The following PDE11A variants were observed in gnomAD, a reference collection of about 807,000 sequenced individuals.
PDE11A encodes the protein phosphodiesterase 11A, also known as dual 3',5'-cyclic-AMP and -GMP phosphodiesterase 11A.
A neutral mutation model predicts 100.5 loss-of-function variants in PDE11A; 100 were observed. The ratio of observed to expected loss-of-function variants is 1.00; its 90% CI spans 0.85 to 1.18. The LOEUF is 1.18. Among genes scored for constraint, PDE11A ranks in the 50% most tolerant of loss-of-function variants. PDE11A has a pLI of 0.00. For synonymous variants in PDE11A, 381 were observed against 420.8 expected (o/e 0.91, Z 1.16); for missense variants, 1,141 against 1,152.6 (o/e 0.99, Z 0.15).
chr2:178,087,753 CTG>C (rs1316919193), intron 2 of PDE11A, among the ~76,000 whole-genome samples: 2 of 152,066 alleles, frequency 1.3e-5, no homozygotes, highest in African/African-American at 4.8e-5. Flanking sequence ...AGTGTGGGAA[CTG>C]TAAGTTTTCA....
chr2:177,648,497 G>A (rs923203398), intron 19 of PDE11A, among the ~76,000 whole-genome samples: 5 of 151,948 alleles, frequency 3.3e-5, no homozygotes, highest in Non-Finnish European at 7.4e-5. Context: ...TTTAACTCTC[G>A]AACATTCACC....
At chr2:177,877,170 CT>C (rs34383497) in intron 4 of PDE11A, among the ~76,000 whole-genome samples, 18,737 of 138,302 alleles carry the variant, frequency 0.14, 2,430 homozygotes, top group Non-Finnish European at 0.2. Flanking sequence ...CAAAGGTTAT[CT>C]TTTTTTTTTT....
intron 5 of PDE11A, among the ~76,000 whole-genome samples, chr2:177,844,994 G>A (rs980995970): frequency 4.3e-4 from 65 of 150,844 alleles, no homozygotes; most frequent in Middle Eastern, 3.4e-3. Context: ...CACCTTTCCC[G>A]CCTTTCTATT....
intron 1 of PDE11A, among the ~76,000 whole-genome samples, chr2:178,036,637 A>G (rs557885907): frequency 6.6e-6 from 1 of 152,358 alleles, no homozygotes; most frequent in South Asian, 2.1e-4. Flanking sequence ...ACAAGTCTAC[A>G]GAAACCAAAA....
At chr2:177,763,824 G>GT (rs1367709998) in intron 10 of PDE11A, among the ~76,000 whole-genome samples, 3 of 152,224 alleles carry the variant, frequency 2.0e-5, no homozygotes, top group African/African-American at 4.8e-5. Flanking sequence ...GCTAGCGCGT[G>GT]TAGTGCCTTT....
At chr2:177,852,446 T>G (rs570189410) in intron 5 of PDE11A, among the ~76,000 whole-genome samples, 1 of 152,264 alleles carries the variant, frequency 6.6e-6, no homozygotes, top group Non-Finnish European at 1.5e-5. Context: ...TAGAGGTCAA[T>G]CTGAGGTTGG....
Position 177,982,357 on chromosome 2 carries a change from T to A in PDE11A, c.1071+31945A>T, listed in dbSNP as rs987593300. Reference sequence around the variant, plus strand: ...TCTTCATATGTTTTACAAAATGATATATATTTTTGCCCCAAACTGCAACAT... The same window carrying A: ...TCTTCATATGTTTTACAAAATGATAAATATTTTTGCCCCAAACTGCAACAT... On this transcript the variant is annotated intron_variant, in intron 2 of 19. Coordinates refer to ENST00000286063, the MANE Select transcript of PDE11A (RefSeq NM_016953.4). Among the ~76,000 whole-genome samples the A allele has an allele frequency of 3.3e-5, 5 of 150,800 alleles. No individual in the cohort carries two copies. The Admixed American group carries it at 3.3e-4, about 10-fold the overall frequency.
chr2:177,847,873 C>A lies in PDE11A; in HGVS notation c.1368-7490G>T, dbSNP rs144414201. Among the ~76,000 whole-genome samples, 108 of 152,268 alleles carry A rather than the reference C, an allele frequency of 7.1e-4. 1 individual carries two copies. The South Asian group carries it at 9.3e-3, about 13-fold the overall frequency. ...CTCTCTGTAGACATAGAGGGCAGGG[C>A]TGGGATGCCCATTCACATTAGACGA... On this transcript the variant is annotated intron_variant, in intron 5 of 19. Transcript: ENST00000286063.
intron 9 of PDE11A, among the ~76,000 whole-genome samples, chr2:177,806,057 A>G (rs139287090): frequency 9.5e-4 from 144 of 152,314 alleles, no homozygotes; most frequent in Admixed American, 4.4e-3. Flanking sequence ...AAAAACTAGC[A>G]ATTTTTCAAA....
At chr2:177,643,265 C>T (rs941623053) in intron 19 of PDE11A, among the ~76,000 whole-genome samples, 3 of 152,064 alleles carry the variant, frequency 2.0e-5, no homozygotes, top group African/African-American at 7.2e-5. Flanking sequence ...TTTGGAACTC[C>T]CTAAAGGCTT....
At chr2:177,640,692 G>A (rs1008225079) in intron 19 of PDE11A, among the ~76,000 whole-genome samples, 1 of 152,202 alleles carries the variant, frequency 6.6e-6, no homozygotes, top group Non-Finnish European at 1.5e-5. Flanking sequence ...TGCTGCAGTT[G>A]GCTGGAAATC....
At chr2:177,925,686 C>G (rs1365970844) in intron 2 of PDE11A, among the ~76,000 whole-genome samples, 1 of 152,216 alleles carries the variant, frequency 6.6e-6, no homozygotes, top group Non-Finnish European at 1.5e-5. Flanking sequence ...CCCATACACA[C>G]AGCTACCAAG....
intron 18 of PDE11A, among the ~76,000 whole-genome samples, chr2:177,667,765 G>C (rs58167103): frequency 0.012 from 1,765 of 152,264 alleles, 29 homozygotes; most frequent in African/African-American, 0.04. Context: ...AAGGTGCCTT[G>C]CTTCATGCCC....
intron 1 of PDE11A, among the ~76,000 whole-genome samples, chr2:178,034,471 C>T (rs2105843597): frequency 6.6e-6 from 1 of 152,188 alleles, no homozygotes; most frequent in East Asian, 1.9e-4. Flanking sequence ...ATCAATGAGA[C>T]AGAAAATTAA....
intron 9 of PDE11A, 76 bp downstream of exon 9, chr2:177,816,753 C>T: frequency 4.7e-6 from 4 of 844,254 alleles, no homozygotes. Flanking sequence ...AAATTAAGCC[C>T]CATAACCAGG....
At chr2:177,798,383 T>C (rs1456688064) in intron 9 of PDE11A, among the ~76,000 whole-genome samples, 1 of 152,234 alleles carries the variant, frequency 6.6e-6, no homozygotes, top group Non-Finnish European at 1.5e-5. Flanking sequence ...GAAATTTACA[T>C]AGTCGTAGTC....
At chr2:177,753,936 G>A (rs949579955) in intron 10 of PDE11A, among the ~76,000 whole-genome samples, 3 of 151,962 alleles carry the variant, frequency 2.0e-5, no homozygotes, top group Non-Finnish European at 4.4e-5. Flanking sequence ...AGAGGCTTCT[G>A]TGTCCAAATA....
At chr2:177,931,045 T>A (rs963471860) in intron 2 of PDE11A, among the ~76,000 whole-genome samples, 1 of 152,228 alleles carries the variant, frequency 6.6e-6, no homozygotes, top group African/African-American at 2.4e-5. Flanking sequence ...AACATCTTTT[T>A]GTTATTTTTT....
intron 17 of PDE11A, among the ~76,000 whole-genome samples, chr2:177,670,342 G>T (rs1175319651): frequency 1.3e-5 from 2 of 151,694 alleles, no homozygotes; most frequent in Admixed American, 1.3e-4. Context: ...CCATTAGCTT[G>T]GATGGTCAGC....
Sources: allele counts gnomAD v4.1 joint callset (sites outside exome capture counted in the v4.1 genomes callset), GRCh38; gene constraint gnomAD v4.1.1; transcripts MANE v1.5; gene names NCBI Gene and HGNC (gene_info 2026-07-23, HGNC 2026-07-21).